Variants in CTNNA3 observed in about 807,000 individuals in gnomAD.
The protein encoded by CTNNA3 is catenin alpha 3.
CTNNA3 carries 76 observed loss-of-function variants against 95.7 expected under a neutral mutation model. That is an observed-to-expected ratio of 0.79 (90% CI 0.66 to 0.96). The LOEUF is 0.96. CTNNA3 is among the 40% of genes least tolerant of loss of function. CTNNA3 has a pLI of 0.00. For synonymous variants in CTNNA3, 431 were observed against 374.4 expected (o/e 1.15, Z -1.74); for missense variants, 1,191 against 1,089.8 (o/e 1.09, Z -1.31).
At chr10:67,580,666 G>T (rs1458963970) in intron 3 of CTNNA3, among the ~76,000 whole-genome samples, 1 of 151,172 alleles carries the variant, frequency 6.6e-6, no homozygotes, top group Non-Finnish European at 1.5e-5. Flanking sequence ...CCATTTTCAT[G>T]ATATTGATTC....
chr10:66,271,436 C>G (rs1438364222), intron 13 of CTNNA3, among the ~76,000 whole-genome samples: 1 of 151,858 alleles, frequency 6.6e-6, no homozygotes, highest in Non-Finnish European at 1.5e-5. Flanking sequence ...GTTTTTGTAC[C>G]AAAATAATAA....
chr10:66,703,694 C>T (rs543052666), intron 9 of CTNNA3, among the ~76,000 whole-genome samples: 3 of 152,268 alleles, frequency 2.0e-5, no homozygotes, highest in Admixed American at 6.5e-5. Context: ...CAAGTTTATA[C>T]TTTTGTATGC....
At chr10:67,255,316 ATAAAT>A (rs1866300786) in intron 5 of CTNNA3, among the ~76,000 whole-genome samples, 1 of 151,694 alleles carries the variant, frequency 6.6e-6, no homozygotes, top group African/African-American at 2.4e-5. Context: ...AAATAAATAA[ATAAAT>A]TAATTAATTA....
intron 7 of CTNNA3, among the ~76,000 whole-genome samples, chr10:67,146,727 AC>A: frequency 6.6e-6 from 1 of 152,296 alleles, no homozygotes; most frequent in East Asian, 1.9e-4. Flanking sequence ...TAAAGAAAAA[AC>A]ATCCAGAAAT....
intron 11 of CTNNA3, among the ~76,000 whole-genome samples, chr10:66,405,888 T>A (rs1286321462): frequency 6.6e-6 from 1 of 152,160 alleles, no homozygotes; most frequent in Non-Finnish European, 1.5e-5. Flanking sequence ...ATTTGCCACA[T>A]CTTTTCCTTT....
chr10:67,673,090 G>C (rs1840470069), intron 1 of CTNNA3, among the ~76,000 whole-genome samples: 1 of 151,970 alleles, frequency 6.6e-6, no homozygotes, highest in Admixed American at 6.5e-5. Context: ...CTTGTAAGTT[G>C]GATTCCCAGG....
intron 10 of CTNNA3, among the ~76,000 whole-genome samples, chr10:66,610,769 A>G (rs1844301804): frequency 6.6e-6 from 1 of 152,144 alleles, no homozygotes; most frequent in Non-Finnish European, 1.5e-5. Flanking sequence ...AGCAATCCCA[A>G]TGCTGGATAT....
chr10:67,675,021 T>C (rs1244233885), intron 1 of CTNNA3, among the ~76,000 whole-genome samples: 1 of 152,124 alleles, frequency 6.6e-6, no homozygotes, highest in Admixed American at 6.6e-5. Context: ...AATGAGTAGA[T>C]AAAGTATCCC....
At chr10:66,138,080 A>G (rs1456789884) in intron 13 of CTNNA3, among the ~76,000 whole-genome samples, 2 of 152,156 alleles carry the variant, frequency 1.3e-5, no homozygotes, top group Admixed American at 6.5e-5. Context: ...AAATTACTCC[A>G]AAGAAAAAAT....
intron 7 of CTNNA3, among the ~76,000 whole-genome samples, chr10:67,086,298 T>A (rs1480260143): frequency 6.6e-6 from 1 of 152,102 alleles, no homozygotes; most frequent in Non-Finnish European, 1.5e-5. Context: ...GCAAGATTTT[T>A]ATGCAACCTG....
At chr10:67,158,712 G>A (rs956119904) in intron 7 of CTNNA3, among the ~76,000 whole-genome samples, 4 of 152,066 alleles carry the variant, frequency 2.6e-5, no homozygotes, top group African/African-American at 4.8e-5. Context: ...ATAGTAATAA[G>A]AACCTACTTA....
intron 1 of CTNNA3, among the ~76,000 whole-genome samples, chr10:67,705,393 G>A (rs1841071839): frequency 6.6e-6 from 1 of 150,404 alleles, no homozygotes; most frequent in Admixed American, 6.6e-5. Flanking sequence ...GTCCAACAAT[G>A]ATAGACTGGA....
At chr10:66,053,648 A>C (rs144708392) in intron 15 of CTNNA3, among the ~76,000 whole-genome samples, 61 of 152,152 alleles carry the variant, frequency 4.0e-4, no homozygotes, top group African/African-American at 1.4e-3. Context: ...ATTATTATGA[A>C]TACATAATAG....
intron 17 of CTNNA3, among the ~76,000 whole-genome samples, chr10:65,928,957 T>C (rs1300170494): frequency 1.3e-5 from 2 of 152,172 alleles, no homozygotes; most frequent in African/African-American, 4.8e-5. Context: ...ACATGTGCTA[T>C]GTTGGTGTGC....
chr10:66,668,799 C>G (rs921095395), intron 9 of CTNNA3, among the ~76,000 whole-genome samples: 16 of 151,814 alleles, frequency 1.1e-4, no homozygotes, highest in African/African-American at 3.6e-4. Context: ...GCGACAGAGT[C>G]AGACCCTGTC....
Position 66,346,234 on chromosome 10 carries a change from TATATATATATATAGAGAGAGAGAG to T in CTNNA3, c.1732+32894_1732+32917del, listed in dbSNP as rs1231046485. ...GTGTATATATATATATATATATATA[TATATATATATATAGAGAGAGAGAG>T]AGAGAGAGAGAGAGAGAGAGAGAGA... On this transcript the variant is annotated intron_variant, in intron 12 of 17. Coordinates refer to ENST00000433211, the MANE Select transcript of CTNNA3 (RefSeq NM_013266.4). Among the ~76,000 whole-genome samples the T allele has an allele frequency of 9.9e-3, 457 of 46,078 alleles. 1 individual carries two copies. Among genetic ancestry groups the T allele is most frequent in the African/African-American group, 0.037 (306 of 8,330 alleles). 30.2% of individuals were successfully genotyped at this position (46,078 alleles called of 152,430 possible). A position where few individuals can be genotyped will look rare whatever the true frequency, so the allele number is the denominator to read the frequency against.
At chr10:66,662,586 T>C (rs1846301009) in intron 9 of CTNNA3, among the ~76,000 whole-genome samples, 1 of 152,130 alleles carries the variant, frequency 6.6e-6, no homozygotes, top group Non-Finnish European at 1.5e-5. Flanking sequence ...CCCATGGCCT[T>C]CCTTCCTCTG....
chr10:67,019,247 C>T (rs944702598), intron 7 of CTNNA3, among the ~76,000 whole-genome samples: 3 of 152,092 alleles, frequency 2.0e-5, no homozygotes, highest in African/African-American at 7.2e-5. Flanking sequence ...GAGACGTAGT[C>T]TCGCTCTGTT....
At chr10:66,322,190 C>A (rs1414148119) in intron 12 of CTNNA3, among the ~76,000 whole-genome samples, 1 of 152,096 alleles carries the variant, frequency 6.6e-6, no homozygotes, top group Non-Finnish European at 1.5e-5. Context: ...TAAAATATCA[C>A]CCTACTGCTT....
Sources: gnomAD v4.1 joint callset for allele counts (sites outside exome capture counted in the v4.1 genomes callset) on GRCh38, gnomAD v4.1.1 for gene constraint, MANE v1.5 for transcripts, NCBI Gene and HGNC (gene_info 2026-07-23, HGNC 2026-07-21) for gene names.